The following ST7L variants were observed in gnomAD, a reference collection of about 807,000 sequenced individuals.
ST7L encodes suppressor of tumorigenicity 7 protein-like.
Under a neutral mutation model 72.5 loss-of-function variants are expected in ST7L, and 57 were observed. The ratio of observed to expected loss-of-function variants is 0.79; its 90% confidence interval spans 0.64 to 0.98. The LOEUF (loss-of-function observed/expected upper bound fraction) is 0.98. Ranked by LOEUF, ST7L falls within the 50% of genes least tolerant of loss-of-function variation. The pLI is 0.00. For missense variants in ST7L, 576 were observed against 672.2 expected (o/e 0.86, Z 1.58); for synonymous variants, 221 against 240.9 (o/e 0.92, Z 0.77).
chr1:112,584,355 T>TA (rs35938873), intron 6 of ST7L, among the ~76,000 whole-genome samples: 32,475 of 146,228 alleles, frequency 0.22, 3,627 homozygotes, highest in Non-Finnish European at 0.26. Context: ...CTTTGTTTTT[T>TA]AAAAAAAAAA....
chr1:112,551,955 C>A (rs1366781052), intron 12 of ST7L, among the ~76,000 whole-genome samples: 2 of 152,186 alleles, frequency 1.3e-5, no homozygotes, highest in East Asian at 1.9e-4. Flanking sequence ...GTGAGCTATA[C>A]ATACGTTTAA....
intron 11 of ST7L, among the ~76,000 whole-genome samples, chr1:112,570,927 A>T (rs1170271957): frequency 6.6e-6 from 1 of 152,140 alleles, no homozygotes; most frequent in African/African-American, 2.4e-5. Context: ...CCCAGCACTT[A>T]GCGGGGCCGA....
At chr1:112,575,922 C>CAAGA (rs1663025673) in intron 11 of ST7L, among the ~76,000 whole-genome samples, 1 of 152,188 alleles carries the variant, frequency 6.6e-6, no homozygotes, top group African/African-American at 2.4e-5. Flanking sequence ...TTACAACATC[C>CAAGA]TTTTCTTGGA....
intron 14 of ST7L, chr1:112,529,177 T>G (rs1218955262): frequency 6.6e-6 from 1 of 151,888 alleles, no homozygotes; most frequent in Non-Finnish European, 1.5e-5. Flanking sequence ...TTTGTGTGTT[T>G]GTGTGTGTGT....
chr1:112,582,284 C>T, intron 8 of ST7L, 91 bp downstream of exon 8: 1 of 1,014,192 alleles, frequency 9.9e-7, no homozygotes, highest in East Asian at 2.5e-5. Flanking sequence ...AATTAAAATA[C>T]AATGATTCTG....
chr1:112,591,382 A>G (rs923183278), intron 6 of ST7L, 143 bp downstream of exon 6: 13 of 659,304 alleles, frequency 2.0e-5, no homozygotes, highest in Non-Finnish European at 3.3e-5. Context: ...GCAAACACTG[A>G]AAATTTTATT....
chr1:112,531,760 G>C (rs1654417771), intron 14 of ST7L, among the ~76,000 whole-genome samples: 1 of 152,132 alleles, frequency 6.6e-6, no homozygotes, highest in Admixed American at 6.5e-5. Context: ...AATTTGAAAT[G>C]CAAAGACCTG....
At chr1:112,572,187 T>G (rs1662248079) in intron 11 of ST7L, among the ~76,000 whole-genome samples, 2 of 152,242 alleles carry the variant, frequency 1.3e-5, no homozygotes, top group African/African-American at 4.8e-5. Context: ...TAAACAGATG[T>G]GCTGTCATCC....
chr1:112,531,064 A>C (rs907474944), intron 14 of ST7L, among the ~76,000 whole-genome samples: 1 of 152,236 alleles, frequency 6.6e-6, no homozygotes, highest in Non-Finnish European at 1.5e-5. Flanking sequence ...AATTCTGGGT[A>C]GCTCTTTCCT....
chr1:112,594,175 C>A (rs1666079638), intron 5 of ST7L, among the ~76,000 whole-genome samples: 1 of 148,474 alleles, frequency 6.7e-6, no homozygotes, highest in Non-Finnish European at 1.5e-5. Flanking sequence ...TACCTGCTCA[C>A]TGCAAAGATA....
At chr1:112,563,486 T>A (rs190168061) in intron 11 of ST7L, among the ~76,000 whole-genome samples, 1 of 152,104 alleles carries the variant, frequency 6.6e-6, no homozygotes, top group Non-Finnish European at 1.5e-5. Context: ...AAATAAAACA[T>A]AGCTGAGGAC....
At chr1:112,616,922 T>C (rs776958440) in intron 1 of ST7L, 27 bp from the exon 2 acceptor site, 3 of 1,537,792 alleles carry the variant, frequency 2.0e-6, no homozygotes, top group South Asian at 2.4e-5. Context: ...AATCAAAGTT[T>C]TAAAAAATGC....
At chr1:112,597,822 A>G (rs950492833) in intron 5 of ST7L, 149 bp downstream of exon 5, 16 of 448,308 alleles carry the variant, frequency 3.6e-5, no homozygotes, top group Admixed American at 2.5e-4. Flanking sequence ...GCTTATAGTC[A>G]TAATTTAATC....
chr1:112,615,813 C>T (rs944752589), intron 2 of ST7L, among the ~76,000 whole-genome samples: 1 of 152,082 alleles, frequency 6.6e-6, no homozygotes, highest in Non-Finnish European at 1.5e-5. Flanking sequence ...GATCTTGGTT[C>T]ACTGTAACCT....
chr1:112,546,957 T>C (rs1296547244), intron 13 of ST7L, among the ~76,000 whole-genome samples: 1 of 151,874 alleles, frequency 6.6e-6, no homozygotes, highest in East Asian at 1.9e-4. Flanking sequence ...TAAATCTCTA[T>C]ATATGTACAT....
At chr1:112,581,271 A>G (rs1664066608) in intron 9 of ST7L, among the ~76,000 whole-genome samples, 1 of 152,176 alleles carries the variant, frequency 6.6e-6, no homozygotes, top group Non-Finnish European at 1.5e-5. Context: ...TACCCCTACT[A>G]TGTGCACAGC....
At position 112,540,451 on chromosome 1, in the gene ST7L, T is replaced by C. The variant is rs999386244; in HGVS notation, c.1629+1500A>G. The C allele has an allele frequency of 3.0e-6, 3 of 985,346 alleles. No individual in the cohort carries two copies. In the African/African-American group the frequency reaches 5.2e-5, roughly 17 times the overall value. The allele number at this position is 985,346 out of a possible 1,614,324, so 61.0% of individuals were successfully genotyped here. A position where few individuals can be genotyped will look rare whatever the true frequency, so the allele number is the denominator to read the frequency against. On this transcript the variant is annotated intron_variant, in intron 14 of 14. Transcript: ENST00000358039. ...AGTTATGAGTATGATCACTAAGTGT[T>C]CATTTTACACTGAAAAGAAATAGAA...
chr1:112,618,922 C>T lies in ST7L; in HGVS notation c.192G>A (p.Glu64=). The part of the protein sequence containing the change: ...YALRIPLRLC[E]NLAAVTVFLN... ...TGGTCCTCTCACCCGCTGCCAAATTCTCACACAGCCTCAAAGGGATCCTCA... is the reference window on the plus strand; with the variant it reads ...TGGTCCTCTCACCCGCTGCCAAATTTTCACACAGCCTCAAAGGGATCCTCA... Residue 64 remains glutamate (E), a synonymous_variant, in exon 1 of 15, where the codon GAG becomes GAA. Transcript: ENST00000358039. The T allele has an allele frequency of 6.4e-7, 1 of 1,564,640 alleles. No homozygotes were observed. The highest frequency in any genetic ancestry group is 8.7e-7 in the Non-Finnish European group (1 of 1,154,740).
rs745963683 is a variant in ST7L at position 112,591,508 on chromosome 1, A to G, written c.701+17T>C. On this transcript the variant is annotated intron_variant, in intron 6 of 14. Transcript: ENST00000358039. ...TTCCTTCAAAATAAATTTATTTTCC[A>G]TATATTTCAAACTTACTCATTGTTT... 5 of 1,596,596 alleles carry G rather than the reference A, an allele frequency of 3.1e-6. No homozygotes were observed. The highest frequency in any genetic ancestry group is 4.3e-6 in the Non-Finnish European group (5 of 1,171,810).
Sources: gnomAD v4.1 joint callset for allele counts (sites outside exome capture counted in the v4.1 genomes callset) on GRCh38, gnomAD v4.1.1 for gene constraint, MANE v1.5 for transcripts, NCBI Gene and HGNC (gene_info 2026-07-23, HGNC 2026-07-21) for gene names.